The following TRPV1 variants were observed in gnomAD, a reference collection of about 807,000 sequenced individuals.
The protein encoded by TRPV1 is transient receptor potential cation channel subfamily V member 1, also known as OTRPC1.
Under a neutral mutation model 82.3 loss-of-function variants are expected in TRPV1, and 82 were observed. The observed-to-expected ratio is 1.00, with a 90% CI of 0.83 to 1.20. The LOEUF is 1.20. Among genes scored for constraint, TRPV1 ranks in the 50% most tolerant of loss-of-function variants. TRPV1 has a pLI of 0.00. For missense variants in TRPV1, 1,067 were observed against 1,096.8 expected, an observed-to-expected ratio of 0.97 and a Z score of 0.38; for synonymous variants, 515 against 467.7, an observed-to-expected ratio of 1.10 and a Z score of -1.30.
chr17:3,590,528 A>G, intron 5 of TRPV1, 136 bp from the exon 6 acceptor site: 1 of 1,347,382 alleles, frequency 7.4e-7, no homozygotes, highest in South Asian at 1.5e-5. Flanking sequence ...GGACCCCCCC[A>G]CTGCAGGAGG....
At position 3,583,759 on chromosome 17, in the gene TRPV1, T is replaced by G. The variant is rs191563154; in HGVS notation, c.1384-329A>C. Among the ~76,000 whole-genome samples, 10 of 152,308 alleles carry G rather than the reference T, an allele frequency of 6.6e-5. No homozygotes were observed. In the East Asian group the frequency reaches 1.9e-3, roughly 29 times the overall value. ...TGATGGAGAGGTGGAAGCACTCTCA[T>G]GGACCCCACGCCATACACATCCCGC... On this transcript the variant is annotated intron_variant, in intron 9 of 16. Coordinates refer to ENST00000572705, the MANE Select transcript of TRPV1 (RefSeq NM_080704.4).
intron 2 of TRPV1, chr17:3,592,604 G>T (rs2075173510): frequency 1.8e-6 from 1 of 545,938 alleles, no homozygotes; most frequent in Non-Finnish European, 3.2e-6. Flanking sequence ...GCAGTCCTGC[G>T]GCCACTGACG....
At chr17:3,577,279 G>A (rs1045851908) in intron 12 of TRPV1, 87 bp from the exon 13 acceptor site, 43 of 1,417,498 alleles carry the variant, frequency 3.0e-5, no homozygotes, top group African/African-American at 2.4e-4. Flanking sequence ...CTGGGGATGC[G>A]TCTTGAGAAC....
intron 2 of TRPV1, among the ~76,000 whole-genome samples, chr17:3,593,081 CGTGTGTGTGTGTGTGTGTGTGTGTGT>C (rs57419633): frequency 3.5e-4 from 39 of 112,904 alleles, no homozygotes; most frequent in Middle Eastern, 8.2e-3. Flanking sequence ...AATGTTTAGG[CGTGTGTGTGTGTGTGTGTGTGTGTGT>C]GTGTGTGTGT....
intron 14 of TRPV1, among the ~76,000 whole-genome samples, chr17:3,572,952 C>CA (rs2074876322): frequency 1.5e-5 from 2 of 132,536 alleles, no homozygotes. Context: ...CAATGCACTC[C>CA]AGCCTGGGTG....
At chr17:3,576,677 A>AAATATATATT (rs1555549482) in intron 13 of TRPV1, among the ~76,000 whole-genome samples, 1 of 95,262 alleles carries the variant, frequency 1.0e-5, no homozygotes. Flanking sequence ...AAATATATAT[A>AAATATATATT]TATATATATA....
chr17:3,594,969 T>C (rs1277957744), intron 2 of TRPV1, among the ~76,000 whole-genome samples: 1 of 152,096 alleles, frequency 6.6e-6, no homozygotes, highest in African/African-American at 2.4e-5. Flanking sequence ...TAGAACCAGA[T>C]GGCCGTCAGC....
In TRPV1 at chr17:3,577,091, C is replaced by T. The variant is rs752740898; in HGVS notation, c.1780+35G>A. 1.9e-6 allele frequency: 3 copies of T among 1,560,466 alleles called. No homozygotes were observed. In the East Asian group the frequency reaches 7.2e-5, roughly 38 times the overall value. On this transcript the variant is annotated intron_variant, in intron 13 of 16. Coordinates refer to ENST00000572705, the MANE Select transcript of TRPV1 (RefSeq NM_080704.4). ...TTCAGAAGGCTCAGCCAAGCAGGAC[C>T]CCTGCCCTCCCCCAGCGCTGACCAA...
chr17:3,576,963 A>G (rs555603553), intron 13 of TRPV1, among the ~76,000 whole-genome samples, 163 bp downstream of exon 13: 2 of 152,136 alleles, frequency 1.3e-5, no homozygotes, highest in East Asian at 3.9e-4. Context: ...CACGTGGCCA[A>G]GTCCTGGAGC....
chr17:3,592,044 G>C (rs765930019), intron 3 of TRPV1, 23 bp downstream of exon 3: 5 of 1,602,624 alleles, frequency 3.1e-6, no homozygotes, highest in Non-Finnish European at 4.3e-6. Context: ...CAGCAGGGAG[G>C]GGGGCTCCAG....
In TRPV1 at chr17:3,566,964, A is replaced by G; in HGVS notation, c.2371T>C (p.Phe791Leu). 1 of 1,613,940 alleles carries G rather than the reference A, an allele frequency of 6.2e-7. No homozygotes were observed. The highest frequency in any genetic ancestry group is 8.5e-7 in the Non-Finnish European group (1 of 1,179,870). Residue 791 changes from phenylalanine (F) to leucine (L), a missense_variant, in exon 17 of 17, where the codon TTT becomes CTT. Transcript: ENST00000572705. ...SRVSGRHWKN[F>L]ALVPLLREAS... The stretch of plus-strand genomic sequence containing the variant: ...TCTCTTAAAAGGGGGACCAGGGCAA[A>G]GTTCTTCCAGTGTCTGCCTGAAACT...
Position 3,583,380 on chromosome 17 carries a change from C to A in TRPV1, c.1434G>T (p.Glu478Asp). The change falls in exon 10 of 17, where the codon GAG becomes GAT. Residue 478 changes from glutamate (E) to aspartate (D), a missense_variant. Glu to Asp is a conservative substitution (Grantham distance 45). Coordinates refer to ENST00000572705, the MANE Select transcript of TRPV1 (RefSeq NM_080704.4). Reference sequence around the variant, plus strand: ...AGACTCCTCCTAACACAGACAGGATCTCTCCAGTAACTCGGAAATAGTCTC... The same window carrying A: ...AGACTCCTCCTAACACAGACAGGATATCTCCAGTAACTCGGAAATAGTCTC... ...KTGDYFRVTG[E>D]ILSVLGGVYF... is the part of the protein sequence containing the mutation. The A allele has an allele frequency of 6.2e-7, 1 of 1,610,658 alleles. No homozygotes were observed. The highest frequency in any genetic ancestry group is 8.5e-7 in the Non-Finnish European group (1 of 1,178,450).
intron 4 of TRPV1, 26 bp from the exon 5 acceptor site, chr17:3,591,142 G>A (rs1324935775): frequency 6.2e-7 from 1 of 1,610,056 alleles, no homozygotes; most frequent in East Asian, 2.2e-5. Flanking sequence ...GAGGGTCAGG[G>A]CAGGCCAGGG....
At chr17:3,604,624 A>AAAAAGG (rs2075285726) in intron 2 of TRPV1, among the ~76,000 whole-genome samples, 2 of 151,932 alleles carry the variant, frequency 1.3e-5, no homozygotes, top group South Asian at 4.1e-4. Flanking sequence ...AAAGAAAAAG[A>AAAAAGG]AAAAGAAAAA....
At chr17:3,582,203 A>AAAAAAAAAAAAAAAAAAAAAAAAAAAC (rs1363999401) in intron 10 of TRPV1, among the ~76,000 whole-genome samples, 1 of 144,166 alleles carries the variant, frequency 6.9e-6, no homozygotes, top group Non-Finnish European at 1.5e-5. Flanking sequence ...AAAAAAAAAA[A>AAAAAAAAAAAAAAAAAAAAAAAAAAAC]AAAAAAAAAA....
intron 14 of TRPV1, among the ~76,000 whole-genome samples, chr17:3,573,209 C>T (rs2074881943): frequency 6.6e-6 from 1 of 152,082 alleles, no homozygotes; most frequent in African/African-American, 2.4e-5. Context: ...GGTAGCTGCT[C>T]CCCTGAGTCT....
chr17:3,574,917 CAAAAAAAAAA>C (rs55990804), intron 13 of TRPV1, among the ~76,000 whole-genome samples: 1 of 82,932 alleles, frequency 1.2e-5, no homozygotes, highest in Non-Finnish European at 2.4e-5. Flanking sequence ...GACTCTATCT[CAAAAAAAAAA>C]AAAAAAAAAA....
At chr17:3,579,228 G>A (rs1025680430) in intron 11 of TRPV1, among the ~76,000 whole-genome samples, 18 of 151,948 alleles carry the variant, frequency 1.2e-4, no homozygotes, top group Non-Finnish European at 4.4e-5. Context: ...GTTAAATAAA[G>A]CTAATTCTAG....
intron 2 of TRPV1, among the ~76,000 whole-genome samples, chr17:3,603,377 C>T (rs1354079842): frequency 6.6e-6 from 1 of 152,088 alleles, no homozygotes; most frequent in Admixed American, 6.5e-5. Context: ...GGACTGGGAA[C>T]AAGAGGGACG....
Sources: allele counts gnomAD v4.1 joint callset (sites outside exome capture counted in the v4.1 genomes callset), GRCh38; gene constraint gnomAD v4.1.1; transcripts MANE v1.5; gene names NCBI Gene and HGNC (gene_info 2026-07-23, HGNC 2026-07-21).